Variants in NBPF12 observed in about 807,000 individuals in gnomAD.
NBPF12 encodes the protein NBPF family member NBPF12.
NBPF12 carries 115 observed loss-of-function variants against 146.4 expected under a neutral mutation model. The observed-to-expected ratio is 0.79, with a 90% CI of 0.68 to 0.92. The LOEUF (loss-of-function observed/expected upper bound fraction) is 0.92. Ranked by LOEUF, NBPF12 falls within the 40% of genes least tolerant of loss-of-function variation. The pLI is 0.00. For synonymous variants in NBPF12, 385 were observed against 508.9 expected (o/e 0.76, Z 3.28); for missense variants, 1,205 against 1,326.8 (o/e 0.91, Z 1.43).
At chr1:146,978,148 G>A (rs1432336763) in intron 18 of NBPF12, among the ~76,000 whole-genome samples, 1 of 151,616 alleles carries the variant, frequency 6.6e-6, no homozygotes, top group African/African-American at 2.4e-5. Context: ...AAATCAGGAT[G>A]GAAACTTTTC....
intron 19 of NBPF12, among the ~76,000 whole-genome samples, chr1:146,981,288 A>AT (rs1347440975): frequency 0.017 from 1,799 of 106,966 alleles, 27 homozygotes; most frequent in East Asian, 0.02. Flanking sequence ...AAAAAAAAAA[A>AT]AAAAAAATAT....
chr1:146,975,141 C>G (rs1327471121), intron 15 of NBPF12, among the ~76,000 whole-genome samples: 1 of 130,904 alleles, frequency 7.6e-6, no homozygotes, highest in Non-Finnish European at 1.6e-5. Flanking sequence ...TCAGTATACT[C>G]AAAATGGTGT....
chr1:146,952,141 TGAA>T (rs1655351686), intron 2 of NBPF12: 1 of 151,722 alleles, frequency 6.6e-6, no homozygotes, highest in Non-Finnish European at 1.5e-5. Flanking sequence ...ATTGTTGTGG[TGAA>T]GAATTTCTTT....
intron 8 of NBPF12, among the ~76,000 whole-genome samples, chr1:146,965,821 GTC>G (rs1656164980): frequency 6.1e-5 from 2 of 32,812 alleles, no homozygotes; most frequent in Non-Finnish European, 1.3e-4. Context: ...AAAAAAAAAA[GTC>G]TCTGACCAGG....
chr1:146,994,474 C>A, exon 34 of NBPF12: 1 of 1,609,302 alleles, frequency 6.2e-7, no homozygotes, highest in Admixed American at 1.7e-5. Flanking sequence ...ATTTGAGGAA[C>A]AGCACATCAC....
chr1:146,969,275 G>C (rs1656422667), intron 10 of NBPF12, 107 bp from the exon 14 acceptor site: 4 of 869,754 alleles, frequency 4.6e-6, no homozygotes, highest in Non-Finnish European at 7.5e-6. Flanking sequence ...CTGACCTTCT[G>C]CTTGGAGGTC....
chr1:146,954,789 T>A (rs1416144362), intron 2 of NBPF12, among the ~76,000 whole-genome samples: 1 of 149,532 alleles, frequency 6.7e-6, no homozygotes, highest in Non-Finnish European at 1.5e-5. Context: ...AAAAATAGAA[T>A]ATATATCAGT....
At position 146,957,982 on chromosome 1, in the gene NBPF12, T is replaced by C. The variant is rs1176707577; in HGVS notation, c.-183-1877T>C. Among the ~76,000 whole-genome samples the C allele has an allele frequency of 2.4e-5, 2 of 82,546 alleles. 1 individual carries two copies. The highest frequency in any genetic ancestry group is 4.8e-5 in the Non-Finnish European group (2 of 41,810). The allele number at this position is 82,546 out of a possible 152,430, so 54.2% of individuals were successfully genotyped here. A position where few individuals can be genotyped will look rare whatever the true frequency, so the allele number is the denominator to read the frequency against. ...ATATACGTGTATACATGTATATATG[T>C]GTGTGTATATATATATATACATGTG... On this transcript the variant is annotated intron_variant, in intron 2 of 33. Transcript: ENST00000617844.
rs1295300092 is a variant in NBPF12 at position 146,952,191 on chromosome 1, T to C, written c.-184+702T>C. Among the ~76,000 whole-genome samples, 4 of 152,116 alleles carry C rather than the reference T, an allele frequency of 2.6e-5. No individual in the cohort carries two copies. In the East Asian group the frequency reaches 5.8e-4, roughly 22 times the overall value. The stretch of plus-strand genomic sequence containing the variant: ...AGAAATAAACTCCCATCAGCTTTAA[T>C]TCAGGCAGGTTTATTGAAAAGGTGA... On this transcript the variant is annotated intron_variant, in intron 2 of 33. Coordinates refer to ENST00000617844, the Ensembl canonical transcript of NBPF12.
intron 5 of NBPF12, 59 bp downstream of exon 8, chr1:146,962,322 C>G (rs1357847656): frequency 4.5e-5 from 62 of 1,386,378 alleles, no homozygotes; most frequent in Non-Finnish European, 6.1e-5. Flanking sequence ...TGAAGTACAG[C>G]AGCTCGGCGG....
intron 15 of NBPF12, 89 bp downstream of exon 18, chr1:146,974,930 T>C (rs1656883931): frequency 1.6e-6 from 1 of 633,880 alleles, no homozygotes; most frequent in Non-Finnish European, 2.6e-6. Flanking sequence ...AGAGCTAAGC[T>C]GGGCCAGGGG....
At position 146,963,323 on chromosome 1, in the gene NBPF12, A is replaced by G; in HGVS notation, c.493+14A>G. 1 of 1,611,658 alleles carries G rather than the reference A, an allele frequency of 6.2e-7. No homozygotes were observed. Among genetic ancestry groups the G allele is most frequent in the East Asian group, 2.2e-5 (1 of 44,870 alleles). On this transcript the variant is annotated intron_variant, in intron 6 of 33. Coordinates refer to ENST00000617844, the Ensembl canonical transcript of NBPF12. ...AGCTCAGCCCAGGTAAGGTGGCCAT[A>G]GGCCCTGATGACCCAAAACCCCAGG...
intron 12 of NBPF12, 48 bp downstream of exon 15, chr1:146,970,767 A>G: frequency 7.8e-7 from 1 of 1,277,866 alleles, no homozygotes; most frequent in South Asian, 1.2e-5. Flanking sequence ...ACATATGAAA[A>G]TGTCTAGGAG....
chr1:146,939,073 A>G (rs1445182257), intron 1 of NBPF12, 61 bp downstream of exon 1: 1 of 152,108 alleles, frequency 6.6e-6, no homozygotes, highest in African/African-American at 2.4e-5. Flanking sequence ...GGCCGCCGCA[A>G]GTTTTGTTAC....
chr1:146,940,859 TATTGAG>T (rs1654767448), intron 1 of NBPF12, among the ~76,000 whole-genome samples: 2 of 151,948 alleles, frequency 1.3e-5, no homozygotes, highest in Non-Finnish European at 2.9e-5. Context: ...ATTTTCCTGG[TATTGAG>T]ATTGAGTATC....
chr1:146,952,399 A>C lies in NBPF12; in HGVS notation c.-184+910A>C, dbSNP rs878919728. ...CTGGCAGTCTCTGTGTACTCTTCAA[A>C]ACATAATTGAGCGAGGCTGTACCAG... On this transcript the variant is annotated intron_variant, in intron 2 of 33. Coordinates refer to ENST00000617844, the Ensembl canonical transcript of NBPF12. Among the ~76,000 whole-genome samples the C allele has an allele frequency of 6.0e-3, 907 of 151,954 alleles. 13 individuals are homozygous for C. Among genetic ancestry groups the C allele is most frequent in the African/African-American group, 0.021 (847 of 41,256 alleles).
chr1:146,941,298 C>T (rs1396886391), intron 1 of NBPF12, among the ~76,000 whole-genome samples: 4 of 151,712 alleles, frequency 2.6e-5, no homozygotes, highest in African/African-American at 4.9e-5. Flanking sequence ...TTGCATAGCC[C>T]GATACGGAAT....
chr1:146,981,065 G>T (rs1380809649), intron 19 of NBPF12, among the ~76,000 whole-genome samples: 1 of 137,870 alleles, frequency 7.3e-6, no homozygotes, highest in East Asian at 2.2e-4. Flanking sequence ...TTACTCACAG[G>T]TGGGAATTGA....
rs1656199087 is a variant in NBPF12 at position 146,966,249 on chromosome 1, T to C, written c.779-215T>C. Among the ~76,000 whole-genome samples, 4 of 151,762 alleles carry C rather than the reference T, an allele frequency of 2.6e-5. 1 individual carries two copies. In the South Asian group the frequency reaches 8.3e-4, roughly 32 times the overall value. The stretch of plus-strand genomic sequence containing the variant: ...TATAGAAACGTATAAGCAAGAAAAG[T>C]GTAGAAGTGTTTATGTCCTGCTTTA... On this transcript the variant is annotated intron_variant, in intron 8 of 33. Coordinates refer to ENST00000617844, the Ensembl canonical transcript of NBPF12.
Sources: gnomAD v4.1 joint callset for allele counts (sites outside exome capture counted in the v4.1 genomes callset) on GRCh38, gnomAD v4.1.1 for gene constraint, MANE v1.5 for transcripts, NCBI Gene and HGNC (gene_info 2026-07-23, HGNC 2026-07-21) for gene names.